The following RYR2 variants were observed in gnomAD, a reference collection of about 807,000 sequenced individuals.
The protein encoded by RYR2 is ryanodine receptor 2.
RYR2 carries 227 observed loss-of-function variants against 601.1 expected under a neutral mutation model. That is an observed-to-expected ratio of 0.38 (90% CI 0.34 to 0.42). The LOEUF (loss-of-function observed/expected upper bound fraction) is 0.42, where lower values mean the gene tolerates loss of function less well. Among genes scored for constraint, RYR2 ranks in the 10% least tolerant of loss-of-function variants. RYR2 has a pLI of 1.00. For missense variants in RYR2, 4,646 were observed against 6,156.5 expected, an observed-to-expected ratio of 0.75 and a Z score of 8.21; for synonymous variants, 2,223 against 2,175.1, an observed-to-expected ratio of 1.02 and a Z score of -0.61.
In RYR2 at chr1:237,778,764, G is replaced by A. The variant is rs1471453223; in HGVS notation, c.11874G>A (p.Leu3958=). 5 of 1,581,482 alleles carry A rather than the reference G, an allele frequency of 3.2e-6. No homozygotes were observed. The highest frequency in any genetic ancestry group is 4.3e-6 in the Non-Finnish European group (5 of 1,150,710). ...LHVFAHMQMK[L]SQDSSQIELL... ...TGTTTGCCCATATGCAGATGAAGCT[G>A]TCGCAGGTAAACTAACTAACTGCCT... The change falls in exon 88 of 105, where the codon CTG becomes CTA. Residue 3958 remains leucine, a synonymous_variant. Transcript: ENST00000366574.
chr1:237,619,702 G>T (rs1447565640), intron 38 of RYR2, among the ~76,000 whole-genome samples: 1 of 151,922 alleles, frequency 6.6e-6, no homozygotes, highest in African/African-American at 2.4e-5. Context: ...ATTAAAGACG[G>T]AGTCTTTAAA....
intron 20 of RYR2, among the ~76,000 whole-genome samples, chr1:237,500,327 G>A (rs1307157633): frequency 1.3e-5 from 2 of 152,126 alleles, no homozygotes; most frequent in African/African-American, 2.4e-5. Context: ...CAAATTAAGA[G>A]AGGTTAAGTA....
At chr1:237,350,633 A>C (rs12756991) in intron 3 of RYR2, among the ~76,000 whole-genome samples, 19,542 of 92,064 alleles carry the variant, frequency 0.21, 2,616 homozygotes, top group Middle Eastern at 0.34. Flanking sequence ...ATATATATAT[A>C]TCTCTGACCT....
At chr1:237,165,726 G>C (rs1676631930) in intron 1 of RYR2, among the ~76,000 whole-genome samples, 1 of 152,110 alleles carries the variant, frequency 6.6e-6, no homozygotes, top group Non-Finnish European at 1.5e-5. Flanking sequence ...CATTAGCCAG[G>C]CATGGTGAGA....
rs1036119988 is a variant in RYR2 at position 237,441,244 on chromosome 1, T to A, written c.1006-75T>A. ...AATTTTTCAAGGAACATATTTGCAATAAGGCAAAATTCTATTGCCATACAC... is the reference window on the plus strand; with the variant it reads ...AATTTTTCAAGGAACATATTTGCAAAAAGGCAAAATTCTATTGCCATACAC... On this transcript the variant is annotated intron_variant, in intron 12 of 104. Transcript: ENST00000366574. 5.9e-6 allele frequency: 9 copies of A among 1,537,146 alleles called. No homozygotes were observed. In the East Asian group the frequency reaches 1.6e-4, roughly 27 times the overall value.
At chr1:237,778,573 C>T in intron 87 of RYR2, 93 bp from the exon 88 acceptor site, 3 of 577,672 alleles carry the variant, frequency 5.2e-6, no homozygotes, top group East Asian at 2.8e-5. Context: ...TGAAATATAT[C>T]AGCACTAAGT....
Position 237,391,026 on chromosome 1 carries a change from A to G in RYR2, c.773+2843A>G, listed in dbSNP as rs554039675. Among the ~76,000 whole-genome samples the G allele has an allele frequency of 4.6e-5, 7 of 152,242 alleles. No individual in the cohort carries two copies. The South Asian group carries it at 1.5e-3, about 32-fold the overall frequency. ...CTGAAGGGATGTTGCTTAAGAAAAAACTATTTGTGTTGGTTATACTGGGAT... is the reference window on the plus strand; with the variant it reads ...CTGAAGGGATGTTGCTTAAGAAAAAGCTATTTGTGTTGGTTATACTGGGAT... On this transcript the variant is annotated intron_variant, in intron 10 of 104. Transcript: ENST00000366574.
At chr1:237,655,717 G>A in intron 52 of RYR2, 104 bp from the exon 53 acceptor site, 2 of 1,038,270 alleles carry the variant, frequency 1.9e-6, no homozygotes, top group East Asian at 2.7e-5. Context: ...AGTTAGTCCA[G>A]GGTAATTCAG....
chr1:237,818,477 T>C (rs1304990820), intron 100 of RYR2, among the ~76,000 whole-genome samples: 1 of 152,116 alleles, frequency 6.6e-6, no homozygotes, highest in Non-Finnish European at 1.5e-5. Flanking sequence ...GTTTTAGGGT[T>C]TAAACAATAA....
At chr1:237,525,463 GTTTT>G (rs1667478546) in intron 24 of RYR2, among the ~76,000 whole-genome samples, 1 of 126,356 alleles carries the variant, frequency 7.9e-6, no homozygotes, top group Admixed American at 8.1e-5. Context: ...TTTGTTTTTT[GTTTT>G]TTTGACAGAG....
chr1:237,412,196 A>C (rs1250872527), intron 10 of RYR2, among the ~76,000 whole-genome samples: 1 of 152,148 alleles, frequency 6.6e-6, no homozygotes, highest in Non-Finnish European at 1.5e-5. Flanking sequence ...ATAGCCAAAA[A>C]TACAAAAATA....
intron 63 of RYR2, among the ~76,000 whole-genome samples, chr1:237,690,005 C>T (rs192207330): frequency 9.2e-5 from 14 of 152,090 alleles, no homozygotes; most frequent in African/African-American, 2.4e-4. Context: ...CCACCACACA[C>T]GGCTAATTTT....
rs747750895 is a variant in RYR2, at chr1:237,783,944, C to A, written c.12232C>A (p.Leu4078Ile). ...SCAETDENET[L>I]DYEEFVKRFH... ...TGCGGAGACGGATGAGAATGAAACC[C>A]TCGACTACGAAGAGTTCGTCAAACG... The change falls in exon 90 of 105, where the codon CTC becomes ATC. Residue 4078 changes from leucine (L) to isoleucine (I), a missense_variant. Around this residue, in one of 17 missense-constraint regions of RYR2, gnomAD observed 66 missense variants for 80.7 expected, o/e 0.82. Coordinates refer to ENST00000366574, the MANE Select transcript of RYR2 (RefSeq NM_001035.3). 11 of 1,613,528 alleles carry A rather than the reference C, an allele frequency of 6.8e-6. No individual in the cohort carries two copies. The highest frequency in any genetic ancestry group is 9.3e-6 in the Non-Finnish European group (11 of 1,179,696).
intron 82 of RYR2, among the ~76,000 whole-genome samples, chr1:237,758,442 C>G (rs1378095809): frequency 6.6e-6 from 1 of 151,996 alleles, no homozygotes; most frequent in African/African-American, 2.4e-5. Context: ...CAAAAGTTAT[C>G]ACACCCCCCG....
intron 96 of RYR2, 119 bp downstream of exon 96, chr1:237,795,450 A>T (rs1249685463): frequency 2.9e-5 from 12 of 415,208 alleles, no homozygotes; most frequent in South Asian, 3.7e-5. Flanking sequence ...TAATGTCTCC[A>T]TTTTTTTTTT....
intron 3 of RYR2, among the ~76,000 whole-genome samples, chr1:237,346,180 A>C (rs945204785): frequency 7.9e-5 from 12 of 152,176 alleles, no homozygotes; most frequent in African/African-American, 2.9e-4. Flanking sequence ...AGCCTGGGCA[A>C]CATGGCGAGA....
chr1:237,275,991 A>C (rs1394767334), intron 2 of RYR2, among the ~76,000 whole-genome samples: 1 of 152,246 alleles, frequency 6.6e-6, no homozygotes, highest in African/African-American at 2.4e-5. Flanking sequence ...AAAATTGAAG[A>C]GTTTCTTGAA....
At chr1:237,310,038 G>A (rs1694372795) in intron 2 of RYR2, among the ~76,000 whole-genome samples, 1 of 152,184 alleles carries the variant, frequency 6.6e-6, no homozygotes, top group African/African-American at 2.4e-5. Flanking sequence ...TCCAGCCTCG[G>A]CCAGCACAGA....
intron 68 of RYR2, among the ~76,000 whole-genome samples, chr1:237,707,949 T>C (rs976453487): frequency 6.7e-6 from 1 of 150,318 alleles, no homozygotes; most frequent in Non-Finnish European, 1.5e-5. Context: ...TTTTTTTTTT[T>C]TTTTTTTTTT....
Sources: gnomAD v4.1 joint callset for allele counts (sites outside exome capture counted in the v4.1 genomes callset) on GRCh38, gnomAD v4.1.1 for gene constraint, gnomAD v4.1.1 regional missense constraint, MANE v1.5 for transcripts, NCBI Gene and HGNC (gene_info 2026-07-23, HGNC 2026-07-21) for gene names.